The following ARHGAP42 variants were observed in gnomAD, a reference collection of about 807,000 sequenced individuals.
The protein encoded by ARHGAP42 is Rho GTPase activating protein 42.
In ARHGAP42, 63 loss-of-function variants were observed where a neutral mutation model predicts 125.0. The observed-to-expected ratio is 0.50, with a 90% CI of 0.41 to 0.62. The LOEUF is 0.62. ARHGAP42 is among the 20% of genes least tolerant of loss of function. The pLI, the probability that ARHGAP42 is intolerant of heterozygous loss-of-function variation, is 0.00. For synonymous variants in ARHGAP42, 339 were observed against 351.0 expected, an observed-to-expected ratio of 0.97 and a Z score of 0.38; for missense variants, 766 against 1,024.2, an observed-to-expected ratio of 0.75 and a Z score of 3.44.
At chr11:100,857,068 A>G (rs1865337283) in intron 3 of ARHGAP42, among the ~76,000 whole-genome samples, 1 of 152,044 alleles carries the variant, frequency 6.6e-6, no homozygotes, top group Non-Finnish European at 1.5e-5. Context: ...TGAAGACCTT[A>G]ATGTAGTATT....
intron 1 of ARHGAP42, among the ~76,000 whole-genome samples, chr11:100,698,221 C>T (rs1292071411): frequency 1.3e-5 from 2 of 152,234 alleles, no homozygotes; most frequent in African/African-American, 4.8e-5. Context: ...GTTGTAATCC[C>T]ATCACTTTGG....
intron 2 of ARHGAP42, among the ~76,000 whole-genome samples, chr11:100,774,296 T>G (rs1863057190): frequency 6.6e-6 from 1 of 152,202 alleles, no homozygotes; most frequent in Admixed American, 6.5e-5. Context: ...GGATCACGCT[T>G]GTCCACCTTC....
chr11:100,877,663 G>A (rs1389303703), intron 4 of ARHGAP42, among the ~76,000 whole-genome samples: 1 of 152,136 alleles, frequency 6.6e-6, no homozygotes, highest in Non-Finnish European at 1.5e-5. Context: ...GCTCTGCTGT[G>A]TGTGAACTTG....
At chr11:100,776,888 C>CAGG (rs1288899536) in intron 2 of ARHGAP42, among the ~76,000 whole-genome samples, 3 of 150,014 alleles carry the variant, frequency 2.0e-5, no homozygotes. Flanking sequence ...GAAGCTGAGG[C>CAGG]AGGAGAACCA....
At chr11:100,849,008 G>T (rs11224483) in intron 3 of ARHGAP42, among the ~76,000 whole-genome samples, 14,996 of 152,126 alleles carry the variant, frequency 0.099, 1,085 homozygotes, top group African/African-American at 0.21. Flanking sequence ...TCATTTTCTG[G>T]AGAAGAATCT....
chr11:100,781,770 G>C (rs1863317573), intron 2 of ARHGAP42, among the ~76,000 whole-genome samples: 2 of 152,116 alleles, frequency 1.3e-5, no homozygotes, highest in South Asian at 4.1e-4. Context: ...GTAATTTTAA[G>C]ATGTTGATGT....
intron 16 of ARHGAP42, among the ~76,000 whole-genome samples, chr11:100,964,302 T>A (rs2135304175): frequency 6.6e-6 from 1 of 152,314 alleles, no homozygotes; most frequent in Middle Eastern, 3.4e-3. Flanking sequence ...GGATCTCTCA[T>A]CTTTGTTCTC....
chr11:100,910,362 C>T (rs1866878227), intron 4 of ARHGAP42, among the ~76,000 whole-genome samples: 1 of 151,968 alleles, frequency 6.6e-6, no homozygotes, highest in Admixed American at 6.6e-5. Flanking sequence ...TTTTTTCCAT[C>T]GAGATTATTA....
intron 3 of ARHGAP42, among the ~76,000 whole-genome samples, chr11:100,834,426 G>T (rs1200541880): frequency 6.6e-6 from 1 of 152,176 alleles, no homozygotes; most frequent in African/African-American, 2.4e-5. Flanking sequence ...GAGGTCAAGT[G>T]CAGGGCAAGT....
intron 2 of ARHGAP42, among the ~76,000 whole-genome samples, chr11:100,780,940 A>G (rs1863297113): frequency 6.6e-6 from 1 of 152,214 alleles, no homozygotes; most frequent in Non-Finnish European, 1.5e-5. Flanking sequence ...GAGCCTAGAA[A>G]AATAAGTGAT....
chr11:100,777,973 A>G (rs558281269), intron 2 of ARHGAP42, among the ~76,000 whole-genome samples: 1 of 152,140 alleles, frequency 6.6e-6, no homozygotes, highest in East Asian at 1.9e-4. Context: ...GCTTGAGACC[A>G]GGAGTCCCAG....
At chr11:100,880,526 T>A (rs1865934703) in intron 4 of ARHGAP42, among the ~76,000 whole-genome samples, 1 of 152,212 alleles carries the variant, frequency 6.6e-6, no homozygotes, top group Non-Finnish European at 1.5e-5. Flanking sequence ...TGGTTCCGCC[T>A]TTTTGCAATT....
At chr11:100,898,836 A>C (rs1020137102) in intron 4 of ARHGAP42, among the ~76,000 whole-genome samples, 4 of 148,678 alleles carry the variant, frequency 2.7e-5, no homozygotes, top group Admixed American at 2.0e-4. Flanking sequence ...TCATGTCTCC[A>C]TCTCCTTCAT....
At chr11:100,849,843 A>G (rs1555011251) in intron 3 of ARHGAP42, among the ~76,000 whole-genome samples, 1 of 152,170 alleles carries the variant, frequency 6.6e-6, no homozygotes, top group Non-Finnish European at 1.5e-5. Flanking sequence ...TCGAGATAGC[A>G]TGTGACATAA....
intron 4 of ARHGAP42, among the ~76,000 whole-genome samples, chr11:100,905,426 C>A (rs891778803): frequency 6.6e-6 from 1 of 152,138 alleles, no homozygotes; most frequent in African/African-American, 2.4e-5. Flanking sequence ...TATTTAGCAT[C>A]CTTACAGTAG....
In ARHGAP42 at chr11:100,886,618, G is replaced by A. The variant is rs576372794; in HGVS notation, c.385-26834G>A. ...CTGGACTAATTTTACTTAGCACAGCGATGCCCCATTCCTGTTTGGAGGTTA... is the reference window on the plus strand; with the variant it reads ...CTGGACTAATTTTACTTAGCACAGCAATGCCCCATTCCTGTTTGGAGGTTA... On this transcript the variant is annotated intron_variant, in intron 4 of 23. Coordinates refer to ENST00000298815, the MANE Select transcript of ARHGAP42 (RefSeq NM_152432.4). 2.6e-5 allele frequency among the ~76,000 whole-genome samples: 4 copies of A among 152,306 alleles called. No homozygotes were observed. In the East Asian group the frequency reaches 5.8e-4, roughly 22 times the overall value.
chr11:100,770,572 T>C, intron 2 of ARHGAP42, 134 bp downstream of exon 2: 1 of 701,164 alleles, frequency 1.4e-6, no homozygotes, highest in Non-Finnish European at 2.2e-6. Context: ...TTTAGGTTTC[T>C]ATGGAAGAAA....
At chr11:100,951,857 A>AAT (rs1857661828) in intron 12 of ARHGAP42, among the ~76,000 whole-genome samples, 1 of 152,122 alleles carries the variant, frequency 6.6e-6, no homozygotes, top group Non-Finnish European at 1.5e-5. Context: ...TGTATGGTAT[A>AAT]TTAGTTTCCT....
chr11:100,869,241 A>C (rs1390313088), intron 4 of ARHGAP42, among the ~76,000 whole-genome samples: 2 of 152,094 alleles, frequency 1.3e-5, no homozygotes, highest in African/African-American at 2.4e-5. Flanking sequence ...ATAAAGTAGA[A>C]GGTATCATCA....
Sources: allele counts gnomAD v4.1 joint callset (sites outside exome capture counted in the v4.1 genomes callset), GRCh38; gene constraint gnomAD v4.1.1; transcripts MANE v1.5; gene names NCBI Gene and HGNC (gene_info 2026-07-23, HGNC 2026-07-21).